The following GET1 variants were observed in gnomAD, a reference collection of about 807,000 sequenced individuals.
GET1 encodes guided entry of tail-anchored proteins factor 1.
GET1 carries 20 observed loss-of-function variants against 22.6 expected under a neutral mutation model. The observed-to-expected ratio is 0.89, with a 90% CI of 0.62 to 1.29. The LOEUF (loss-of-function observed/expected upper bound fraction) is 1.29. Among genes scored for constraint, GET1 ranks in the 50% most tolerant of loss-of-function variants. The pLI is 0.00. For synonymous variants in GET1, 92 were observed against 83.8 expected (o/e 1.10, Z -0.53); for missense variants, 209 against 219.9 (o/e 0.95, Z 0.31).
chr21:39,410,131 G>A (rs774612321), downstream of GET1: 10 of 1,441,858 alleles, frequency 6.9e-6, no homozygotes, highest in Admixed American at 1.2e-4. Context: ...ACACATTTTG[G>A]GGGGTCTAGA....
intron 4 of GET1, chr21:39,405,694 T>C (rs537211892): frequency 2.5e-5 from 10 of 408,022 alleles, no homozygotes; most frequent in African/African-American, 1.8e-4. Flanking sequence ...TGAAGTGTTA[T>C]CATTGGCTAA....
At chr21:39,401,553 A>G (rs2147026742), downstream of GET1, among the ~76,000 whole-genome samples, 1 of 152,346 alleles carries the variant, frequency 6.6e-6, no homozygotes, top group South Asian at 2.1e-4. Flanking sequence ...TCAGAGTTGT[A>G]TCACATACTT....
intron 4 of GET1, among the ~76,000 whole-genome samples, chr21:39,395,520 C>T (rs563223623): frequency 2.6e-5 from 4 of 152,134 alleles, no homozygotes; most frequent in African/African-American, 7.2e-5. Flanking sequence ...GCCCACCACA[C>T]GCCCGACTAG....
At chr21:39,406,615 A>G (rs748887911) in exon 5 of GET1, 12 of 1,558,690 alleles carry the variant, frequency 7.7e-6, no homozygotes, top group African/African-American at 1.4e-5. Flanking sequence ...TGATAAATCT[A>G]TATTAGAAAA....
intron 4 of GET1, among the ~76,000 whole-genome samples, chr21:39,403,590 G>GAGATTACA (rs2038899221): frequency 6.6e-6 from 1 of 150,486 alleles, no homozygotes; most frequent in Non-Finnish European, 1.5e-5. Context: ...CCAAAGTGCT[G>GAGATTACA]GGGTGAGCCA....
intron 4 of GET1, 33 bp downstream of exon 4, chr21:39,393,313 T>C (rs752697348): frequency 4.6e-6 from 7 of 1,529,322 alleles, no homozygotes; most frequent in Non-Finnish European, 5.4e-6. Flanking sequence ...AGTGGAAGAG[T>C]GTGAATAGGC....
chr21:39,393,298 G>A lies in GET1; in HGVS notation c.451+18G>A, dbSNP rs2038427249. On this transcript the variant is annotated intron_variant, in intron 4 of 4. Coordinates refer to ENST00000649170, the MANE Select transcript of GET1 (RefSeq NM_004627.6). ...AGTAGCAGGTAAGAATTTTCTGGAA[G>A]ATGCAGTGGAAGAGTGTGAATAGGC... is the stretch of plus-strand genomic sequence containing the variant. 5 of 1,589,778 alleles carry A rather than the reference G, an allele frequency of 3.1e-6. No homozygotes were observed. The South Asian group carries it at 5.5e-5, about 18-fold the overall frequency.
Position 39,414,585 on chromosome 21 carries a change from C to T in GET1, c.*23+3648C>T, listed in dbSNP as rs1187427708. Among the ~76,000 whole-genome samples the T allele has an allele frequency of 3.3e-5, 5 of 152,116 alleles. No homozygotes were observed. The South Asian group carries it at 8.3e-4, about 25-fold the overall frequency. ...TCTTCAACAACCTCGTGACTCGCTACCAAAAGGTGGAGTTCACTGCTTGAA... is the reference window on the plus strand; with the variant it reads ...TCTTCAACAACCTCGTGACTCGCTATCAAAAGGTGGAGTTCACTGCTTGAA... On this transcript the variant is annotated intron_variant, in intron 1 of 1. Coordinates refer to the GET1 transcript ENST00000478273.
intron 1 of GET1, 61 bp from the exon 2 acceptor site, chr21:39,390,637 C>G: frequency 1.3e-6 from 2 of 1,591,350 alleles, no homozygotes; most frequent in South Asian, 1.1e-5. Flanking sequence ...TAGCGGGGGA[C>G]TGGGGAACCC....
At chr21:39,387,792 G>C (rs921956942) in intron 1 of GET1, 2 of 985,640 alleles carry the variant, frequency 2.0e-6, no homozygotes, top group African/African-American at 1.7e-5. Flanking sequence ...GGCGACTGGC[G>C]GGTCGCGGCT....
chr21:39,420,985 T>C, intron 1 of GET1: 1 of 548,416 alleles, frequency 1.8e-6, no homozygotes, highest in Non-Finnish European at 3.1e-6. Context: ...GGACATATAT[T>C]GGAATGAAGT....
downstream of GET1, among the ~76,000 whole-genome samples, chr21:39,399,565 C>G (rs2038787723): frequency 6.6e-6 from 1 of 152,130 alleles, no homozygotes; most frequent in African/African-American, 2.4e-5. Flanking sequence ...CTGCCTCAGC[C>G]TCCCGAGTAG....
downstream of GET1, chr21:39,406,651 T>C (rs769196537): frequency 6.9e-7 from 1 of 1,453,386 alleles, no homozygotes; most frequent in South Asian, 1.4e-5. Flanking sequence ...CTGTTTAAAA[T>C]GAATGGATCT....
At chr21:39,391,263 T>C in intron 2 of GET1, 1 of 217,162 alleles carries the variant, frequency 4.6e-6, no homozygotes, top group Non-Finnish European at 9.2e-6. Flanking sequence ...GAGTGTCACC[T>C]CCCGGGTCCA....
chr21:39,428,393 C>A, exon 2 of GET1: 1 of 1,613,166 alleles, frequency 6.2e-7, no homozygotes, highest in Non-Finnish European at 8.5e-7. Flanking sequence ...ATCGCCTGTG[C>A]CTGGGCTTCT....
chr21:39,415,353 T>A (rs912832953), intron 1 of GET1, among the ~76,000 whole-genome samples: 3 of 152,146 alleles, frequency 2.0e-5, no homozygotes, highest in African/African-American at 4.8e-5. Flanking sequence ...CCTTTGAAAC[T>A]TTATTATACA....
chr21:39,388,483 TC>T (rs2038076363), intron 1 of GET1, among the ~76,000 whole-genome samples: 1 of 152,216 alleles, frequency 6.6e-6, no homozygotes, highest in Non-Finnish European at 1.5e-5. Flanking sequence ...TTCCCAGTCT[TC>T]CCTTGACTTT....
intron 2 of GET1, 54 bp from the exon 3 acceptor site, chr21:39,391,715 A>G: frequency 6.5e-7 from 1 of 1,528,952 alleles, no homozygotes; most frequent in Non-Finnish European, 9.1e-7. Context: ...GTATTTGAAT[A>G]TTTTGTTAAT....
chr21:39,417,973 T>A (rs539437761), intron 1 of GET1, among the ~76,000 whole-genome samples: 12 of 152,210 alleles, frequency 7.9e-5, no homozygotes, highest in South Asian at 2.1e-4. Flanking sequence ...TCGCCGTGTT[T>A]GCCAGGATTG....
Sources: gnomAD v4.1 joint callset for allele counts (sites outside exome capture counted in the v4.1 genomes callset) on GRCh38, gnomAD v4.1.1 for gene constraint, MANE v1.5 for transcripts, NCBI Gene and HGNC (gene_info 2026-07-23, HGNC 2026-07-21) for gene names.